Variants in DLGAP1 observed in about 807,000 individuals in gnomAD.
DLGAP1 encodes the protein disks large-associated protein 1.
In DLGAP1, 11 loss-of-function variants were observed where a neutral mutation model predicts 90.8. That is an observed-to-expected ratio of 0.12 (90% CI 0.08 to 0.20). The LOEUF is 0.20. Ranked by LOEUF, DLGAP1 falls within the 10% of genes least tolerant of loss-of-function variation. DLGAP1 has a pLI of 1.00. For synonymous variants in DLGAP1, 558 were observed against 540.7 expected (o/e 1.03, Z -0.44); for missense variants, 1,050 against 1,333.8 (o/e 0.79, Z 3.31).
chr18:3,564,070 G>C (rs912397671), intron 9 of DLGAP1, among the ~76,000 whole-genome samples: 1 of 151,958 alleles, frequency 6.6e-6, no homozygotes. Context: ...TTTGACTCTG[G>C]TTCTGATGCT....
intron 1 of DLGAP1, among the ~76,000 whole-genome samples, chr18:4,290,471 T>A (rs1328280769): frequency 6.6e-6 from 1 of 152,220 alleles, no homozygotes; most frequent in Non-Finnish European, 1.5e-5. Flanking sequence ...TATGTGGCGA[T>A]GAAAGGTAAC....
intron 1 of DLGAP1, among the ~76,000 whole-genome samples, chr18:4,170,379 A>C (rs576118028): frequency 1.3e-5 from 2 of 152,158 alleles, no homozygotes; most frequent in African/African-American, 4.8e-5. Flanking sequence ...TAAAATGTCT[A>C]TTAGACATCC....
intron 2 of DLGAP1, among the ~76,000 whole-genome samples, chr18:4,031,549 A>G (rs1452600711): frequency 6.6e-6 from 1 of 152,136 alleles, no homozygotes; most frequent in East Asian, 1.9e-4. Flanking sequence ...GAGGCAGTTG[A>G]TGGGAAATAA....
At chr18:4,237,666 GC>G (rs2078447902) in intron 1 of DLGAP1, among the ~76,000 whole-genome samples, 1 of 151,452 alleles carries the variant, frequency 6.6e-6, no homozygotes, top group Admixed American at 6.6e-5. Context: ...TCAGCAAGAG[GC>G]CCTAAAAGAC....
chr18:3,895,242 T>G (rs2071587374), intron 3 of DLGAP1, among the ~76,000 whole-genome samples: 2 of 151,726 alleles, frequency 1.3e-5, no homozygotes, highest in East Asian at 3.9e-4. Context: ...CTTTTCCATT[T>G]TTATCCTACT....
At chr18:4,026,512 C>T (rs1349225049) in intron 2 of DLGAP1, among the ~76,000 whole-genome samples, 1 of 151,996 alleles carries the variant, frequency 6.6e-6, no homozygotes, top group African/African-American at 2.4e-5. Context: ...TTGGATGTTA[C>T]CAAAGGGTGA....
intron 1 of DLGAP1, among the ~76,000 whole-genome samples, chr18:4,245,104 T>C (rs2078626111): frequency 6.6e-6 from 1 of 152,200 alleles, no homozygotes; most frequent in Non-Finnish European, 1.5e-5. Context: ...GTCTGCTACG[T>C]TGTTAGCTGC....
chr18:3,768,527 T>C (rs545729349), intron 5 of DLGAP1, among the ~76,000 whole-genome samples: 2 of 152,246 alleles, frequency 1.3e-5, no homozygotes, highest in African/African-American at 4.8e-5. Context: ...AGGGGGAGGA[T>C]TCAGTCTATT....
intron 1 of DLGAP1, among the ~76,000 whole-genome samples, chr18:4,390,604 C>T (rs141867920): frequency 3.9e-5 from 6 of 152,274 alleles, no homozygotes; most frequent in African/African-American, 1.4e-4. Context: ...GAACGTCATA[C>T]AGTTGGAGTC....
chr18:4,197,277 G>A (rs1301694655), intron 1 of DLGAP1, among the ~76,000 whole-genome samples: 2 of 148,312 alleles, frequency 1.3e-5, no homozygotes, highest in African/African-American at 5.0e-5. Context: ...TTCAAATATA[G>A]AAAAAAGTAC....
intron 3 of DLGAP1, among the ~76,000 whole-genome samples, chr18:3,977,430 CTG>C (rs1178293499): frequency 1.2e-5 from 1 of 80,404 alleles, no homozygotes; most frequent in Non-Finnish European, 2.2e-5. Flanking sequence ...TATGTTTATT[CTG>C]TGTTTTTTTT....
intron 3 of DLGAP1, among the ~76,000 whole-genome samples, chr18:3,910,392 G>A (rs1175621417): frequency 6.6e-6 from 1 of 152,040 alleles, no homozygotes; most frequent in Non-Finnish European, 1.5e-5. Flanking sequence ...GAAATTTGAT[G>A]ATTTAAGACA....
At chr18:3,772,824 A>G (rs796639784) in intron 5 of DLGAP1, among the ~76,000 whole-genome samples, 5 of 152,216 alleles carry the variant, frequency 3.3e-5, no homozygotes, top group African/African-American at 9.6e-5. Context: ...CTGCATTGTA[A>G]CAGGACTTCC....
intron 1 of DLGAP1, among the ~76,000 whole-genome samples, chr18:4,237,802 C>T (rs1208494717): frequency 2.0e-5 from 3 of 152,034 alleles, no homozygotes; most frequent in African/African-American, 4.8e-5. Context: ...GTTATGTTAA[C>T]ATGAATCACT....
At position 3,637,944 on chromosome 18, in the gene DLGAP1, CT is replaced by C. The variant is rs56346479; in HGVS notation, c.1592-55697del. Among the ~76,000 whole-genome samples, 151 of 109,364 alleles carry C rather than the reference CT, an allele frequency of 1.4e-3. 1 individual carries two copies. The highest frequency in any genetic ancestry group is 2.8e-3 in the African/African-American group (78 of 27,760). 71.7% of individuals were successfully genotyped at this position (109,364 alleles called of 152,430 possible). A position where few individuals can be genotyped will look rare whatever the true frequency, so the allele number is the denominator to read the frequency against. Reference sequence around the variant, plus strand: ...TATTGTAGGTTTTTGTGCTAGGTAGCTTTTTTTTTTTTTTTTTTTTGAGACG... The same window carrying C: ...TATTGTAGGTTTTTGTGCTAGGTAGCTTTTTTTTTTTTTTTTTTTGAGACG... On this transcript the variant is annotated intron_variant, in intron 7 of 12. Coordinates refer to ENST00000315677, the MANE Select transcript of DLGAP1 (RefSeq NM_004746.4).
chr18:4,176,081 T>C (rs2077102394), intron 1 of DLGAP1, among the ~76,000 whole-genome samples: 1 of 152,234 alleles, frequency 6.6e-6, no homozygotes, highest in South Asian at 2.1e-4. Context: ...TTTCCACTTG[T>C]TGGTGTCCTC....
intron 2 of DLGAP1, among the ~76,000 whole-genome samples, chr18:4,115,441 C>G (rs1312088545): frequency 6.6e-6 from 1 of 151,354 alleles, no homozygotes. Context: ...TCATTTCTTT[C>G]TGTGGATTTG....
At chr18:4,190,352 G>C (rs2077374046) in intron 1 of DLGAP1, among the ~76,000 whole-genome samples, 1 of 152,010 alleles carries the variant, frequency 6.6e-6, no homozygotes, top group African/African-American at 2.4e-5. Flanking sequence ...GGTTGCCAGG[G>C]GTTCAGAAGG....
At chr18:4,330,478 C>T (rs1222161202) in intron 1 of DLGAP1, among the ~76,000 whole-genome samples, 1 of 151,656 alleles carries the variant, frequency 6.6e-6, no homozygotes, top group Non-Finnish European at 1.5e-5. Context: ...TTGATACTTT[C>T]TTCTTTTCTA....
Sources: allele counts gnomAD v4.1 joint callset (sites outside exome capture counted in the v4.1 genomes callset), GRCh38; gene constraint gnomAD v4.1.1; transcripts MANE v1.5; gene names NCBI Gene and HGNC (gene_info 2026-07-23, HGNC 2026-07-21).